The following AMBRA1 variants were observed in gnomAD, a reference collection of about 807,000 sequenced individuals.
AMBRA1 encodes autophagy and beclin 1 regulator 1.
AMBRA1 carries 47 observed loss-of-function variants against 125.4 expected under a neutral mutation model. The observed-to-expected ratio is 0.37, with a 90% CI of 0.30 to 0.48. The LOEUF is 0.48. AMBRA1 is among the 20% of genes least tolerant of loss of function. AMBRA1 has a pLI of 0.99. For missense variants in AMBRA1, 1,331 were observed against 1,693.4 expected (o/e 0.79, Z 3.76); for synonymous variants, 626 against 655.5 (o/e 0.95, Z 0.69).
rs1179828585 is a variant in AMBRA1 at position 46,593,924 on chromosome 11, C to G, written c.-217G>C. 2.5e-6 allele frequency: 1 copy of G among 398,510 alleles called. No individual in the cohort carries two copies. The highest frequency in any genetic ancestry group is 4.4e-6 in the Non-Finnish European group (1 of 226,106). The allele number at this position is 398,510 out of a possible 1,614,324, so 24.7% of individuals were successfully genotyped here. A position where few individuals can be genotyped will look rare whatever the true frequency, so the allele number is the denominator to read the frequency against. Reference sequence around the variant, plus strand: ...ACAGGAATAAAGGAAGGGGTCCGTTCTACCGACCGGCAGGAGAAGGCGGCT... The same window carrying G: ...ACAGGAATAAAGGAAGGGGTCCGTTGTACCGACCGGCAGGAGAAGGCGGCT... On this transcript the variant is annotated 5_prime_UTR_variant, in exon 1 of 18. Transcript: ENST00000683756.
intron 9 of AMBRA1, among the ~76,000 whole-genome samples, chr11:46,497,176 A>C (rs1950665372): frequency 6.6e-6 from 1 of 152,070 alleles, no homozygotes; most frequent in Non-Finnish European, 1.5e-5. Context: ...AAGATGATAA[A>C]TTTTATGTTA....
chr11:46,513,896 T>G (rs996155232), intron 7 of AMBRA1, among the ~76,000 whole-genome samples: 1 of 152,074 alleles, frequency 6.6e-6, no homozygotes, highest in Non-Finnish European at 1.5e-5. Flanking sequence ...TTTTTTTTTT[T>G]TTTAAACAAC....
chr11:46,464,999 G>A (rs1163380541), intron 11 of AMBRA1, among the ~76,000 whole-genome samples: 1 of 151,982 alleles, frequency 6.6e-6, no homozygotes, highest in Non-Finnish European at 1.5e-5. Flanking sequence ...AGCTGCGATC[G>A]CGCCACCGCA....
chr11:46,508,526 T>G (rs1186764825), intron 8 of AMBRA1, among the ~76,000 whole-genome samples, 156 bp from the exon 9 acceptor site: 2 of 152,232 alleles, frequency 1.3e-5, no homozygotes, highest in Non-Finnish European at 2.9e-5. Flanking sequence ...CCAGGAGGTT[T>G]GCACTGCAGA....
chr11:46,405,505 AGC>A (rs777398266), intron 17 of AMBRA1, among the ~76,000 whole-genome samples: 18 of 152,074 alleles, frequency 1.2e-4, no homozygotes, highest in Non-Finnish European at 1.9e-4. Context: ...GCTTGCTTGA[AGC>A]TAGGAGTTCA....
intron 11 of AMBRA1, among the ~76,000 whole-genome samples, chr11:46,467,108 G>A (rs1949361786): frequency 6.6e-6 from 1 of 151,678 alleles, no homozygotes; most frequent in African/African-American, 2.4e-5. Context: ...GTAGAGAAGG[G>A]GTTTCACCGT....
chr11:46,398,787 T>C (rs1214951798), intron 17 of AMBRA1, among the ~76,000 whole-genome samples: 1 of 150,934 alleles, frequency 6.6e-6, no homozygotes, highest in African/African-American at 2.4e-5. Context: ...ATTTTATTTA[T>C]TTTTGAGACA....
At chr11:46,493,897 T>A in intron 10 of AMBRA1, 189 bp from the exon 11 acceptor site, 1 of 635,878 alleles carries the variant, frequency 1.6e-6, no homozygotes, top group South Asian at 2.1e-5. Context: ...CTTCTAAAGT[T>A]CCCCCAACAC....
At chr11:46,549,787 T>G (rs969596747) in intron 1 of AMBRA1, among the ~76,000 whole-genome samples, 2 of 152,060 alleles carry the variant, frequency 1.3e-5, no homozygotes, top group Non-Finnish European at 2.9e-5. Flanking sequence ...TTTGTTTATG[T>G]TTTCATTTAT....
chr11:46,398,491 T>C (rs1015878206), intron 17 of AMBRA1, among the ~76,000 whole-genome samples: 2 of 152,188 alleles, frequency 1.3e-5, no homozygotes, highest in Non-Finnish European at 2.9e-5. Flanking sequence ...TATTTTTATA[T>C]TGATTGATTG....
intron 17 of AMBRA1, among the ~76,000 whole-genome samples, chr11:46,405,930 G>C (rs1002534466): frequency 4.6e-5 from 7 of 151,786 alleles, no homozygotes; most frequent in African/African-American, 1.7e-4. Context: ...ACAAGGTTTT[G>C]CTGTGTTGCC....
chr11:46,508,213 C>T lies in AMBRA1; in HGVS notation c.2317G>A (p.Asp773Asn), dbSNP rs139858656. 8.5e-5 allele frequency: 137 copies of T among 1,614,002 alleles called. No homozygotes were observed. Among genetic ancestry groups the T allele is most frequent in the Middle Eastern group, 1.6e-4 (1 of 6,082 alleles). ...TACTCAAAGTCCTCAAATTCCAAGT[C>T]GGTTCCCTCTACTGATGGACCCTGG... is the stretch of plus-strand genomic sequence containing the variant. ...DNQGPSVEGTDLEFEDFEDNG... is the reference protein window; with the variant it reads ...DNQGPSVEGTNLEFEDFEDNG... Residue 773 changes from aspartate (D) to asparagine (N), a missense_variant, in exon 9 of 18, where the codon GAC (aspartate) becomes AAC (asparagine). Asp to Asn is a conservative substitution (Grantham distance 23). This residue lies in a region of AMBRA1 where 689 missense variants were observed against 776.5 expected (regional missense o/e 0.89). Transcript: ENST00000683756.
At chr11:46,417,253 C>T (rs1175009314) in intron 15 of AMBRA1, among the ~76,000 whole-genome samples, 3 of 152,036 alleles carry the variant, frequency 2.0e-5, no homozygotes, top group Admixed American at 6.6e-5. Flanking sequence ...GGTTTTACCA[C>T]GTTGACCAGG....
chr11:46,419,995 T>TACACACACAC lies in AMBRA1; in HGVS notation c.2977-1953_2977-1944dup, dbSNP rs34070050. Among the ~76,000 whole-genome samples, 107 of 129,100 alleles carry TACACACACAC rather than the reference T, an allele frequency of 8.3e-4. 1 individual carries two copies. Among genetic ancestry groups the TACACACACAC allele is most frequent in the East Asian group, 4.0e-3 (17 of 4,260 alleles). The allele number at this position is 129,100 out of a possible 152,430, so 84.7% of individuals were successfully genotyped here. Reference sequence around the variant, plus strand: ...AAAAGACAGCAGCACGTGTCCTCAATACACACACACACACACACACACACA... The same window carrying TACACACACAC: ...AAAAGACAGCAGCACGTGTCCTCAATACACACACACACACACACACACACACACACACACA... On this transcript the variant is annotated intron_variant, in intron 14 of 17. Transcript: ENST00000683756.
At chr11:46,514,571 C>T (rs1413418250) in intron 7 of AMBRA1, among the ~76,000 whole-genome samples, 3 of 152,144 alleles carry the variant, frequency 2.0e-5, no homozygotes, top group Non-Finnish European at 4.4e-5. Context: ...CTAAGACACA[C>T]TTTTCACCTT....
chr11:46,431,621 A>G (rs1411306755), intron 14 of AMBRA1, among the ~76,000 whole-genome samples: 1 of 152,252 alleles, frequency 6.6e-6, no homozygotes, highest in Non-Finnish European at 1.5e-5. Flanking sequence ...TGTCAGAGCT[A>G]CCAACATCAG....
At chr11:46,581,203 T>C (rs565564009) in intron 1 of AMBRA1, among the ~76,000 whole-genome samples, 4 of 152,208 alleles carry the variant, frequency 2.6e-5, no homozygotes, top group Middle Eastern at 6.8e-3. Context: ...CCAGGTACGG[T>C]GGCTCACACC....
At chr11:46,468,380 A>C (rs961913578) in intron 11 of AMBRA1, among the ~76,000 whole-genome samples, 2 of 151,874 alleles carry the variant, frequency 1.3e-5, no homozygotes, top group Non-Finnish European at 2.9e-5. Context: ...TCTCTTGAAA[A>C]AAAAGAAAAA....
intron 7 of AMBRA1, among the ~76,000 whole-genome samples, chr11:46,533,467 T>A (rs548025200): frequency 1.3e-5 from 2 of 152,348 alleles, no homozygotes; most frequent in Admixed American, 6.5e-5. Context: ...GCCTTCTTGT[T>A]TGGAGGTTGG....
Sources: allele counts gnomAD v4.1 joint callset (sites outside exome capture counted in the v4.1 genomes callset), GRCh38; gene constraint gnomAD v4.1.1; regional missense constraint gnomAD v4.1.1; transcripts MANE v1.5; gene names NCBI Gene and HGNC (gene_info 2026-07-23, HGNC 2026-07-21).